Variants in KCNIP1 observed in about 807,000 individuals in gnomAD.
KCNIP1 encodes potassium voltage-gated channel interacting protein 1, also known as A-type potassium channel modulatory protein KCNIP1.
In KCNIP1, 18 loss-of-function variants were observed where a neutral mutation model predicts 33.0. That is an observed-to-expected ratio of 0.55 (90% CI 0.38 to 0.81). The LOEUF (loss-of-function observed/expected upper bound fraction) is 0.81. Ranked by LOEUF, KCNIP1 falls within the 30% of genes least tolerant of loss-of-function variation. The pLI is 0.00. For missense variants in KCNIP1, 238 were observed against 271.6 expected (o/e 0.88, Z 0.87); for synonymous variants, 93 against 98.3 (o/e 0.95, Z 0.32).
intron 1 of KCNIP1, among the ~76,000 whole-genome samples, chr5:170,687,581 A>G (rs1215652004): frequency 1.3e-5 from 2 of 152,182 alleles, no homozygotes; most frequent in African/African-American, 4.8e-5. Flanking sequence ...TAAAAGCTAG[A>G]GAGAAGATGG....
At chr5:170,423,415 C>T (rs1755540616) in intron 1 of KCNIP1, among the ~76,000 whole-genome samples, 1 of 152,122 alleles carries the variant, frequency 6.6e-6, no homozygotes, top group Non-Finnish European at 1.5e-5. Context: ...ATAAAACCCC[C>T]TTGTGTACCT....
At chr5:170,448,599 G>A (rs1169928936) in intron 1 of KCNIP1, among the ~76,000 whole-genome samples, 2 of 152,218 alleles carry the variant, frequency 1.3e-5, no homozygotes, top group Non-Finnish European at 2.9e-5. Context: ...TACCAGAGAA[G>A]GCCCATTTCT....
intron 1 of KCNIP1, among the ~76,000 whole-genome samples, chr5:170,468,456 G>C (rs886380650): frequency 1.3e-5 from 2 of 152,100 alleles, no homozygotes; most frequent in African/African-American, 4.8e-5. Context: ...GAGGAACTTG[G>C]GTCCATATGA....
At position 170,733,833 on chromosome 5, in the gene KCNIP1, C is replaced by T; in HGVS notation, c.541-3C>T. ...GTAAAGTGCTTTCTGTTATGTCTTT[C>T]AGAAAATGGACAAAAATAAAGATGG... On this transcript the variant is annotated splice_polypyrimidine_tract_variant and splice_region_variant and intron_variant, in intron 6 of 7. Transcript: ENST00000328939. 6.2e-7 allele frequency: 1 copy of T among 1,612,308 alleles called. No homozygotes were observed. Among genetic ancestry groups the T allele is most frequent in the Non-Finnish European group, 8.5e-7 (1 of 1,178,514 alleles).
At chr5:170,561,620 C>A (rs551211397) in intron 1 of KCNIP1, among the ~76,000 whole-genome samples, 52 of 152,322 alleles carry the variant, frequency 3.4e-4, no homozygotes, top group African/African-American at 1.2e-3. Flanking sequence ...GTTGATCACC[C>A]TCCATTAGAC....
chr5:170,484,942 C>CTTTTTTTTTTTTTTTTTTTTTTTT (rs397999898), intron 1 of KCNIP1, among the ~76,000 whole-genome samples: 1 of 129,474 alleles, frequency 7.7e-6, no homozygotes, highest in Non-Finnish European at 1.6e-5. Flanking sequence ...TTTCTTTTTT[C>CTTTTTTTTTTTTTTTTTTTTTTTT]TTTTTTTTTT....
chr5:170,651,252 G>T (rs184522852), intron 1 of KCNIP1, among the ~76,000 whole-genome samples: 1 of 152,192 alleles, frequency 6.6e-6, no homozygotes, highest in Admixed American at 6.5e-5. Flanking sequence ...CACAGGAGGG[G>T]TGCAAATCAA....
At chr5:170,409,802 C>T (rs753622039) in intron 1 of KCNIP1, among the ~76,000 whole-genome samples, 32 of 152,190 alleles carry the variant, frequency 2.1e-4, no homozygotes, top group Admixed American at 3.3e-4. Context: ...TACATACCCT[C>T]AGTGTGCCTC....
At chr5:170,440,495 T>C (rs1440543935) in intron 1 of KCNIP1, among the ~76,000 whole-genome samples, 1 of 152,122 alleles carries the variant, frequency 6.6e-6, no homozygotes, top group Non-Finnish European at 1.5e-5. Flanking sequence ...CTGAAGGAAA[T>C]TGATTCCCAG....
At chr5:170,643,149 G>A (rs1581436977) in intron 1 of KCNIP1, among the ~76,000 whole-genome samples, 2 of 152,362 alleles carry the variant, frequency 1.3e-5, no homozygotes, top group Admixed American at 1.3e-4. Context: ...GGGGAAACAT[G>A]ATGATGAGTC....
chr5:170,419,334 G>A (rs968332658), intron 1 of KCNIP1, among the ~76,000 whole-genome samples: 1 of 152,188 alleles, frequency 6.6e-6, no homozygotes, highest in Non-Finnish European at 1.5e-5. Context: ...GGTGGAGGAA[G>A]GAAGCCAAGG....
chr5:170,635,933 C>A (rs1304208383), intron 1 of KCNIP1, among the ~76,000 whole-genome samples: 2 of 152,170 alleles, frequency 1.3e-5, no homozygotes, highest in African/African-American at 4.8e-5. Context: ...AGGCAGTGGC[C>A]AGGCCCTGGG....
intron 1 of KCNIP1, among the ~76,000 whole-genome samples, chr5:170,668,164 C>T (rs1470935135): frequency 6.6e-6 from 1 of 152,174 alleles, no homozygotes; most frequent in Non-Finnish European, 1.5e-5. Context: ...TGAAAGAACT[C>T]TAAGAGGTTA....
At chr5:170,423,752 C>A (rs947052986) in intron 1 of KCNIP1, among the ~76,000 whole-genome samples, 3 of 152,188 alleles carry the variant, frequency 2.0e-5, no homozygotes, top group Non-Finnish European at 2.9e-5. Context: ...GTGCGTCTGG[C>A]TTTATTCTGT....
intron 1 of KCNIP1, among the ~76,000 whole-genome samples, chr5:170,716,744 C>T (rs1469452498): frequency 6.6e-6 from 1 of 152,186 alleles, no homozygotes; most frequent in African/African-American, 2.4e-5. Context: ...GAAACAAGTG[C>T]TGTTTCTTGA....
intron 1 of KCNIP1, among the ~76,000 whole-genome samples, chr5:170,513,739 G>A: frequency 6.6e-6 from 1 of 152,184 alleles, no homozygotes; most frequent in East Asian, 1.9e-4. Flanking sequence ...GAGCAGGATG[G>A]CAGCCTGGTT....
At chr5:170,640,657 G>C (rs1760504885) in intron 1 of KCNIP1, among the ~76,000 whole-genome samples, 1 of 152,232 alleles carries the variant, frequency 6.6e-6, no homozygotes, top group Non-Finnish European at 1.5e-5. Flanking sequence ...AACATAAGGA[G>C]GGGTGGACAA....
intron 1 of KCNIP1, among the ~76,000 whole-genome samples, chr5:170,693,424 G>A (rs146133254): frequency 6.6e-5 from 10 of 152,282 alleles, no homozygotes; most frequent in African/African-American, 2.4e-4. Flanking sequence ...CATGCTCTGG[G>A]TACCCATCTA....
At position 170,701,270 on chromosome 5, in the gene KCNIP1, T is replaced by C. The variant is rs72837611; in HGVS notation, c.62-17488T>C. Among the ~76,000 whole-genome samples, 1,312 of 152,304 alleles carry C rather than the reference T, an allele frequency of 8.6e-3. 8 individuals carry two copies. The highest frequency in any genetic ancestry group is 0.02 in the Middle Eastern group (6 of 294). On this transcript the variant is annotated intron_variant, in intron 1 of 7. Coordinates refer to ENST00000328939, the MANE Select transcript of KCNIP1 (RefSeq NM_014592.4). ...ACATGACTTCAAACTCTTTCTTGTA[T>C]GTGAGATTTAATTTTCAAAGACTCC...
Sources: allele counts gnomAD v4.1 joint callset (sites outside exome capture counted in the v4.1 genomes callset), GRCh38; gene constraint gnomAD v4.1.1; transcripts MANE v1.5; gene names NCBI Gene and HGNC (gene_info 2026-07-23, HGNC 2026-07-21).